Variants in NLRP14 observed in about 807,000 individuals in gnomAD.
NLRP14 encodes NLR family pyrin domain containing 14, also known as NACHT, LRR and PYD domains-containing protein 14.
A neutral mutation model predicts 94.7 loss-of-function variants in NLRP14; 105 were observed. That is an observed-to-expected ratio of 1.11 (90% CI 0.95 to 1.30). The LOEUF (loss-of-function observed/expected upper bound fraction) is 1.30. NLRP14 is among the 50% of genes most tolerant of loss of function. NLRP14 has a pLI of 0.00. For missense variants in NLRP14, 1,362 were observed against 1,254.1 expected (o/e 1.09, Z -1.30); for synonymous variants, 508 against 459.9 (o/e 1.10, Z -1.34).
the NLRP14 span, chr11:7,089,535 C>G: frequency 2.5e-6 from 3 of 1,207,486 alleles, no homozygotes; most frequent in South Asian, 6.1e-5. Flanking sequence ...GGATTTCGAC[C>G]TGCGGCCCTC....
chr11:7,021,377 T>G (rs1851932207), intron 1 of NLRP14, among the ~76,000 whole-genome samples: 1 of 152,220 alleles, frequency 6.6e-6, no homozygotes, highest in Non-Finnish European at 1.5e-5. Context: ...AGCGCCTATC[T>G]GCTTGAGTTC....
At chr11:7,034,447 T>C (rs1195546788) in intron 1 of NLRP14, among the ~76,000 whole-genome samples, 1 of 152,180 alleles carries the variant, frequency 6.6e-6, no homozygotes. Flanking sequence ...TGATTCCTTT[T>C]ATTGGCAAAT....
intron 9 of NLRP14, among the ~76,000 whole-genome samples, chr11:7,061,866 T>C (rs1381823710): frequency 6.6e-6 from 1 of 152,036 alleles, no homozygotes; most frequent in Non-Finnish European, 1.5e-5. Flanking sequence ...AAGAGAAAGC[T>C]TGAGGCCAGA....
At chr11:7,021,909 C>A (rs1318710862) in intron 1 of NLRP14, among the ~76,000 whole-genome samples, 1 of 151,454 alleles carries the variant, frequency 6.6e-6, no homozygotes, top group Non-Finnish European at 1.5e-5. Context: ...CTGCTTCCAA[C>A]CTGAGAATAT....
At chr11:7,078,239 C>A in the NLRP14 span, among the ~76,000 whole-genome samples, 2 of 150,096 alleles carry the variant, frequency 1.3e-5, no homozygotes, top group Non-Finnish European at 3.0e-5. Context: ...GAGATCAAGA[C>A]CATCCTGGCT....
chr11:7,085,127 C>T, the NLRP14 span, among the ~76,000 whole-genome samples: 1 of 152,160 alleles, frequency 6.6e-6, no homozygotes, highest in Non-Finnish European at 1.5e-5. Context: ...ACATGGTGTT[C>T]ACCATCTTAA....
At chr11:7,039,884 C>A in intron 3 of NLRP14, 99 bp downstream of exon 3, 1 of 951,188 alleles carries the variant, frequency 1.1e-6, no homozygotes, top group Non-Finnish European at 1.7e-6. Context: ...ATCTTGTTAA[C>A]TTCTTCTAAT....
At chr11:7,025,261 T>C (rs1851998623) in intron 1 of NLRP14, among the ~76,000 whole-genome samples, 1 of 152,126 alleles carries the variant, frequency 6.6e-6, no homozygotes, top group Admixed American at 6.6e-5. Context: ...AGCTAAAAAA[T>C]TGTTCAATAG....
chr11:7,075,878 A>G (rs977535329), downstream of NLRP14, among the ~76,000 whole-genome samples: 5 of 151,990 alleles, frequency 3.3e-5, no homozygotes, highest in African/African-American at 4.8e-5. Flanking sequence ...CCCCTCCTGC[A>G]TGTCTACCTT....
At chr11:7,085,370 C>T in the NLRP14 span, among the ~76,000 whole-genome samples, 2 of 152,174 alleles carry the variant, frequency 1.3e-5, no homozygotes, top group African/African-American at 2.4e-5. Flanking sequence ...ACTCTGTACT[C>T]ATTAAGCAAC....
intron 10 of NLRP14, among the ~76,000 whole-genome samples, chr11:7,066,175 G>A (rs1852704266): frequency 2.0e-5 from 3 of 152,128 alleles, no homozygotes; most frequent in Admixed American, 1.3e-4. Context: ...ACATACATGT[G>A]CATGTGTCTT....
chr11:7,025,147 G>T (rs1335867726), intron 1 of NLRP14, among the ~76,000 whole-genome samples: 1 of 151,868 alleles, frequency 6.6e-6, no homozygotes, highest in Non-Finnish European at 1.5e-5. Flanking sequence ...ACATAAAAAG[G>T]TATAATTTCT....
chr11:7,042,991 A>C lies in NLRP14; in HGVS notation c.965A>C (p.His322Pro), dbSNP rs1203185115. 1 of 1,614,180 alleles carries C rather than the reference A, an allele frequency of 6.2e-7. No individual in the cohort carries two copies. Among genetic ancestry groups the C allele is most frequent in the East Asian group, 2.2e-5 (1 of 44,884 alleles). ...SKRLKQLLKN[H>P]HYVELLGMSE... is the part of the protein sequence containing the mutation. ...AGACTAAAGCAGTTGTTGAAGAATC[A>C]CCATTATGTAGAGCTACTAGGAATG... Residue 322 changes from histidine to proline, a missense_variant, in exon 4 of 12, where the codon CAC (histidine) becomes CCC (proline). By Grantham distance (77) the His-to-Pro change is moderately conservative. Coordinates refer to ENST00000299481, the MANE Select transcript of NLRP14 (RefSeq NM_176822.4).
intron 1 of NLRP14, among the ~76,000 whole-genome samples, chr11:7,032,551 A>G (rs1852113024): frequency 6.6e-6 from 1 of 152,176 alleles, no homozygotes; most frequent in Non-Finnish European, 1.5e-5. Flanking sequence ...AGAGTGTAGC[A>G]ATTAACATTT....
At chr11:7,089,840 C>T in the NLRP14 span, 12 of 1,611,358 alleles carry the variant, frequency 7.4e-6, no homozygotes, top group African/African-American at 9.3e-5. Flanking sequence ...AGTACACCCA[C>T]CGCGATTACG....
chr11:7,081,259 C>T, the NLRP14 span, among the ~76,000 whole-genome samples: 104 of 151,982 alleles, frequency 6.8e-4, 3 homozygotes, highest in East Asian at 0.019. Flanking sequence ...CCTGCTCTGT[C>T]AGATAGGAGA....
At chr11:7,031,947 TGCTTTAGC>T (rs915887084) in intron 1 of NLRP14, among the ~76,000 whole-genome samples, 5 of 152,184 alleles carry the variant, frequency 3.3e-5, no homozygotes, top group African/African-American at 9.7e-5. Context: ...AGTGCTTTAG[TGCTTTAGC>T]ACCCCCACTC....
intron 1 of NLRP14, among the ~76,000 whole-genome samples, chr11:7,028,681 C>T (rs531217615): frequency 4.5e-4 from 68 of 152,210 alleles, no homozygotes; most frequent in Non-Finnish European, 7.4e-4. Flanking sequence ...TTCTCTGATT[C>T]GTATTCCATT....
Position 7,068,969 on chromosome 11 carries a change from T to C in NLRP14, c.2976-1317T>C, listed in dbSNP as rs556213513. On this transcript the variant is annotated intron_variant, in intron 10 of 11. Coordinates refer to ENST00000299481, the MANE Select transcript of NLRP14 (RefSeq NM_176822.4). ...GTGCCTGGGCAGTGGCAGTATTCTG[T>C]ATCAGTTAATTAAGATTATTAGTTC... Among the ~76,000 whole-genome samples, 4 of 152,332 alleles carry C rather than the reference T, an allele frequency of 2.6e-5. 1 individual carries two copies. The South Asian group carries it at 8.3e-4, about 32-fold the overall frequency.
Sources: gnomAD v4.1 joint callset for allele counts (sites outside exome capture counted in the v4.1 genomes callset) on GRCh38, gnomAD v4.1.1 for gene constraint, MANE v1.5 for transcripts, NCBI Gene and HGNC (gene_info 2026-07-23, HGNC 2026-07-21) for gene names.